The following FBXL18 variants were observed in gnomAD, a reference collection of about 807,000 sequenced individuals.
FBXL18 encodes the protein F-box and leucine rich repeat protein 18.
A neutral mutation model predicts 46.0 loss-of-function variants in FBXL18; 36 were observed. The ratio of observed to expected loss-of-function variants is 0.78; its 90% CI spans 0.60 to 1.03. The LOEUF (loss-of-function observed/expected upper bound fraction) is 1.03, where lower values mean the gene tolerates loss of function less well. Among genes scored for constraint, FBXL18 ranks in the 50% least tolerant of loss-of-function variants. The pLI, the probability that FBXL18 is intolerant of heterozygous loss-of-function variation, is 0.00. For missense variants in FBXL18, 977 were observed against 1,004.1 expected (o/e 0.97, Z 0.36); for synonymous variants, 557 against 465.3 (o/e 1.20, Z -2.54).
At chr7:5,487,628 G>A (rs187795428) in intron 4 of FBXL18, among the ~76,000 whole-genome samples, 364 of 152,318 alleles carry the variant, frequency 2.4e-3, no homozygotes, top group Non-Finnish European at 2.8e-3. Context: ...TGTAAGCTGG[G>A]GCTGATAGCA....
At chr7:5,490,212 C>A in intron 4 of FBXL18, 1 of 1,338,396 alleles carries the variant, frequency 7.5e-7, no homozygotes, top group Non-Finnish European at 1.0e-6. Flanking sequence ...CCTCTCCCCA[C>A]CTGCAGGGAC....
chr7:5,470,333 C>G (rs893770347), intron 4 of FBXL18, among the ~76,000 whole-genome samples: 4 of 152,088 alleles, frequency 2.6e-5, no homozygotes, highest in Admixed American at 1.3e-4. Context: ...CCTCCCTACC[C>G]CTCACACATC....
intron 1 of FBXL18, 113 bp downstream of exon 1, chr7:5,513,544 G>C: frequency 8.3e-7 from 1 of 1,203,954 alleles, no homozygotes. Flanking sequence ...AGGACGGGGC[G>C]GGGTAGGGGT....
At chr7:5,502,116 C>G in intron 2 of FBXL18, 85 bp from the exon 3 acceptor site, 1 of 954,640 alleles carries the variant, frequency 1.0e-6, no homozygotes, top group South Asian at 1.7e-5. Context: ...CACACTCCCC[C>G]TTGCAGCAGC....
chr7:5,471,159 G>C (rs1240191800), downstream of FBXL18, among the ~76,000 whole-genome samples: 1 of 152,174 alleles, frequency 6.6e-6, no homozygotes, highest in Non-Finnish European at 1.5e-5. Context: ...CCACTATCCT[G>C]CAAGTTCAAC....
At chr7:5,465,349 C>A (rs895422251) in intron 4 of FBXL18, among the ~76,000 whole-genome samples, 1 of 151,848 alleles carries the variant, frequency 6.6e-6, no homozygotes, top group Non-Finnish European at 1.5e-5. Flanking sequence ...TACAGGCGCA[C>A]ACCACCACAC....
downstream of FBXL18, among the ~76,000 whole-genome samples, chr7:5,472,753 A>G (rs1450605124): frequency 2.0e-5 from 3 of 152,148 alleles, no homozygotes; most frequent in Non-Finnish European, 4.4e-5. Context: ...GAGGCTCCAG[A>G]CACCATGGAA....
chr7:5,512,313 A>G (rs1784561186), intron 1 of FBXL18, among the ~76,000 whole-genome samples: 1 of 149,058 alleles, frequency 6.7e-6, no homozygotes, highest in African/African-American at 2.4e-5. Context: ...AAAAAAAAAA[A>G]AAAAAAAAAA....
chr7:5,509,055 T>G (rs79191504), intron 1 of FBXL18, among the ~76,000 whole-genome samples: 14,434 of 151,752 alleles, frequency 0.095, 1,159 homozygotes, highest in African/African-American at 0.22. Context: ...TAGCCGGGTG[T>G]GGTGGCACAC....
chr7:5,512,297 TA>T (rs71004681), intron 1 of FBXL18, among the ~76,000 whole-genome samples: 2,307 of 85,464 alleles, frequency 0.027, 157 homozygotes, highest in African/African-American at 0.081. Flanking sequence ...AAGTGTTATT[TA>T]AAAAAAAAAA....
intron 4 of FBXL18, among the ~76,000 whole-genome samples, chr7:5,483,807 G>A (rs1783707177): frequency 6.6e-6 from 1 of 152,084 alleles, no homozygotes; most frequent in African/African-American, 2.4e-5. Flanking sequence ...TGCAAGGCAG[G>A]GAGTTACCCA....
chr7:5,486,964 A>T (rs1183833986), intron 4 of FBXL18, among the ~76,000 whole-genome samples: 1 of 152,284 alleles, frequency 6.6e-6, no homozygotes, highest in Non-Finnish European at 1.5e-5. Context: ...GAAAAGCGTC[A>T]GGAAAAGCGA....
In FBXL18 at chr7:5,501,452, A is replaced by C. The variant is rs1784253020; in HGVS notation, c.817T>G (p.Phe273Val). ...TTCTTGGTGGCGCCGCTCTCCGCGA[A>C]GCTGCCAGGGACGGAGATGAGGAAG... ...HAFLISVPGSFAESGATKNLL... is the reference protein window; with the variant it reads ...HAFLISVPGSVAESGATKNLL... Residue 273 changes from phenylalanine (F) to valine (V), a missense_variant, in exon 3 of 5, where the codon TTC becomes GTC. By Grantham distance (50) the Phe-to-Val change is conservative. Transcript: ENST00000382368. 6.2e-7 allele frequency: 1 copy of C among 1,613,532 alleles called. No homozygotes were observed. The highest frequency in any genetic ancestry group is 8.5e-7 in the Non-Finnish European group (1 of 1,179,930).
Position 5,500,497 on chromosome 7 carries a change from C to T in FBXL18, c.1772G>A (p.Arg591Lys), listed in dbSNP as rs1183022669. 2 of 1,601,256 alleles carry T rather than the reference C, an allele frequency of 1.2e-6. No homozygotes were observed. The highest frequency in any genetic ancestry group is 1.7e-6 in the Non-Finnish European group (2 of 1,172,164). The change falls in exon 3 of 5, where the codon AGG (arginine) becomes AAG (lysine). Residue 591 changes from arginine to lysine, a missense_variant. Arg to Lys is a conservative substitution (Grantham distance 26, BLOSUM62 2). Transcript: ENST00000382368. ...SDMLKHCKRL[R>K]DLRLEQPYFS... is the part of the protein sequence containing the mutation. ...CCCGCGGCCCCCTCACCTGAGGTCC[C>T]TCAGCCGCTTGCAGTGCTTCAACAT...
rs1783648244 is a variant in FBXL18 at position 5,481,637 on chromosome 7, G to C, written c.*138C>G. The C allele has an allele frequency of 1.2e-6, 1 of 855,174 alleles. No homozygotes were observed. Among genetic ancestry groups the C allele is most frequent in the East Asian group, 2.4e-5 (1 of 41,088 alleles). The allele number at this position is 855,174 out of a possible 1,614,324, so 53.0% of individuals were successfully genotyped here. ...CATGAGAGAGCCGTGGAGACGCCGG[G>C]AGCCCCAGGAGCCAGGTGGGGCGTG... is the stretch of plus-strand genomic sequence containing the variant. On this transcript the variant is annotated 3_prime_UTR_variant, in exon 5 of 5. Transcript: ENST00000382368.
At chr7:5,460,019 G>A (rs543757270) in intron 4 of FBXL18, among the ~76,000 whole-genome samples, 2 of 152,238 alleles carry the variant, frequency 1.3e-5, no homozygotes, top group South Asian at 4.1e-4. Context: ...CAACACTTTG[G>A]GAGGCTGAGG....
At chr7:5,490,982 G>A (rs1027348326) in intron 4 of FBXL18, among the ~76,000 whole-genome samples, 5 of 152,292 alleles carry the variant, frequency 3.3e-5, no homozygotes, top group African/African-American at 1.2e-4. Context: ...ATAATAAGAA[G>A]AAGACTTTTG....
chr7:5,503,966 C>CA (rs61075870), intron 2 of FBXL18, among the ~76,000 whole-genome samples: 5,615 of 116,020 alleles, frequency 0.048, 356 homozygotes, highest in African/African-American at 0.16. Flanking sequence ...GACCTCGTTT[C>CA]AAAAAAAAAA....
chr7:5,458,918 G>A (rs1443018604), intron 4 of FBXL18, among the ~76,000 whole-genome samples: 1 of 151,894 alleles, frequency 6.6e-6, no homozygotes, highest in Non-Finnish European at 1.5e-5. Context: ...AAGCCAAGTT[G>A]GGAGGATTGG....
Sources: allele counts gnomAD v4.1 joint callset (sites outside exome capture counted in the v4.1 genomes callset), GRCh38; gene constraint gnomAD v4.1.1; transcripts MANE v1.5; gene names NCBI Gene and HGNC (gene_info 2026-07-23, HGNC 2026-07-21).